Variants in CGNL1 observed in about 807,000 individuals in gnomAD.
CGNL1 encodes cingulin-like protein 1.
In CGNL1, 132 loss-of-function variants were observed where a neutral mutation model predicts 141.2. The observed-to-expected ratio is 0.93, with a 90% CI of 0.81 to 1.08. CGNL1 has a LOEUF of 1.08. Among genes scored for constraint, CGNL1 ranks in the 50% least tolerant of loss-of-function variants. The probability of loss-of-function intolerance (pLI) is 0.00; values close to 1 mark genes in which losing one functional copy is unlikely to be tolerated. For missense variants in CGNL1, 1,870 were observed against 1,588.6 expected, an observed-to-expected ratio of 1.18 and a Z score of -3.01; for synonymous variants, 690 against 622.1, an observed-to-expected ratio of 1.11 and a Z score of -1.63.
intron 1 of CGNL1, chr15:57,402,118 C>T (rs1406304091): frequency 2.0e-5 from 3 of 152,174 alleles, no homozygotes; most frequent in African/African-American, 7.2e-5. Context: ...TGTAATCCCC[C>T]ATGTTAGAGG....
chr15:57,445,272 C>G (rs111503982), intron 4 of CGNL1, among the ~76,000 whole-genome samples: 3 of 152,088 alleles, frequency 2.0e-5, no homozygotes, highest in African/African-American at 4.8e-5. Context: ...AAAACAACAA[C>G]AAAAGAAGCT....
chr15:57,438,412 A>G lies in CGNL1; in HGVS notation c.413A>G (p.Lys138Arg). The G allele has an allele frequency of 6.2e-7, 1 of 1,614,218 alleles. No homozygotes were observed. The highest frequency in any genetic ancestry group is 8.5e-7 in the Non-Finnish European group (1 of 1,180,034). ...CTAGATCGCAAAGACGGGTCTGTGA[A>G]GCCATCTCACCTGCTGAACTTTCAG... is the stretch of plus-strand genomic sequence containing the variant. ...GVLDRKDGSV[K>R]PSHLLNFQRH... Residue 138 changes from lysine (K) to arginine (R), a missense_variant, in exon 2 of 19, where the codon AAG (lysine) becomes AGG (arginine). Coordinates refer to ENST00000281282, the MANE Select transcript of CGNL1 (RefSeq NM_032866.5).
chr15:57,409,949 G>A (rs185834726), intron 1 of CGNL1, among the ~76,000 whole-genome samples: 36 of 152,276 alleles, frequency 2.4e-4, no homozygotes, highest in South Asian at 1.0e-3. Context: ...TGAGGATCTC[G>A]CCCTTTCTGA....
rs145994029 is a variant in CGNL1 at position 57,520,217 on chromosome 15, A to G, written c.2715+1720A>G. On this transcript the variant is annotated intron_variant, in intron 10 of 18. Transcript: ENST00000281282. Reference sequence around the variant, plus strand: ...ATTATCTGGTCTTAAAAATAATGCCATGAAAAAAGCACCATCGCTCTGAAA... The same window carrying G: ...ATTATCTGGTCTTAAAAATAATGCCGTGAAAAAAGCACCATCGCTCTGAAA... Among the ~76,000 whole-genome samples the G allele has an allele frequency of 3.1e-4, 47 of 152,356 alleles. No individual in the cohort carries two copies. The East Asian group carries it at 8.9e-3, about 29-fold the overall frequency.
At position 57,380,853 on chromosome 15, in the gene CGNL1, C is replaced by T. The variant is rs534873678; in HGVS notation, c.-16+4286C>T. ...AAGTAAGCTTAGTAGCGGCTACCTCCGCAACAGAGCTGAAAGGAGAATGCA... is the reference window on the plus strand; with the variant it reads ...AAGTAAGCTTAGTAGCGGCTACCTCTGCAACAGAGCTGAAAGGAGAATGCA... On this transcript the variant is annotated intron_variant, in intron 1 of 18. Coordinates refer to ENST00000281282, the MANE Select transcript of CGNL1 (RefSeq NM_032866.5). Among the ~76,000 whole-genome samples the T allele has an allele frequency of 1.4e-3, 211 of 152,284 alleles. 1 individual carries two copies. Among genetic ancestry groups the T allele is most frequent in the African/African-American group, 4.9e-3 (202 of 41,542 alleles).
intron 8 of CGNL1, among the ~76,000 whole-genome samples, chr15:57,506,508 T>C (rs1289966034): frequency 6.6e-6 from 1 of 152,206 alleles, no homozygotes; most frequent in Non-Finnish European, 1.5e-5. Context: ...GGCCTAAGGC[T>C]GTGTTTCATA....
chr15:57,441,377 T>A (rs1452853636), intron 3 of CGNL1, among the ~76,000 whole-genome samples: 2 of 152,134 alleles, frequency 1.3e-5, no homozygotes, highest in African/African-American at 4.8e-5. Flanking sequence ...TTATTTTTTT[T>A]TTATTTTTTG....
At chr15:57,531,343 G>A (rs1470493011) in intron 13 of CGNL1, among the ~76,000 whole-genome samples, 1 of 152,190 alleles carries the variant, frequency 6.6e-6, no homozygotes, top group Non-Finnish European at 1.5e-5. Flanking sequence ...ACTGGCTTGG[G>A]TAGATCTGTT....
rs2063348314 is a variant in CGNL1, at chr15:57,453,798, G to C, written c.2170G>C (p.Glu724Gln). Residue 724 changes from glutamate to glutamine, a missense_variant, in exon 7 of 19, where the codon GAG becomes CAG. Glu to Gln is a conservative substitution (Grantham distance 29, BLOSUM62 2). Coordinates refer to ENST00000281282, the MANE Select transcript of CGNL1 (RefSeq NM_032866.5). ...LDSAKRSEDR[E>Q]KGALIEELLQ... ...CAGTGCAAAGCGATCGGAGGACAGG[G>C]AGAAGGGAGCTCTGATTGAGGTAAG... 1 of 1,613,580 alleles carries C rather than the reference G, an allele frequency of 6.2e-7. No individual in the cohort carries two copies. The highest frequency in any genetic ancestry group is 1.3e-5 in the African/African-American group (1 of 74,884).
At chr15:57,414,133 G>C (rs1224733937) in intron 1 of CGNL1, among the ~76,000 whole-genome samples, 1 of 152,156 alleles carries the variant, frequency 6.6e-6, no homozygotes, top group East Asian at 1.9e-4. Flanking sequence ...CTCAAGCAGA[G>C]GGGGCTGCCT....
chr15:57,498,946 G>A (rs1406697725), intron 8 of CGNL1, among the ~76,000 whole-genome samples: 1 of 152,160 alleles, frequency 6.6e-6, no homozygotes, highest in Non-Finnish European at 1.5e-5. Flanking sequence ...CTGAATTAAG[G>A]AGATTTGTTT....
rs750428591 is a variant in CGNL1 at position 57,413,221 on chromosome 15, T to TCCTCTCTTCCTCCCTC, written c.-15-24760_-15-24759insTCTTCCTCCCTCCCTC. On this transcript the variant is annotated intron_variant, in intron 1 of 18. Transcript: ENST00000281282. ...TTTCTCTCTTTCTCTCTTCCTCTCTTCCTCCCTCCCTCCCTCCCTCCCTTC... is the reference window on the plus strand; with the variant it reads ...TTTCTCTCTTTCTCTCTTCCTCTCTTCCTCTCTTCCTCCCTCCCTCCCTCCCTCCCTCCCTCCCTTC... 6.6e-5 allele frequency among the ~76,000 whole-genome samples: 9 copies of TCCTCTCTTCCTCCCTC among 137,126 alleles called. No homozygotes were observed. The South Asian group carries it at 7.8e-4, about 12-fold the overall frequency. The allele number at this position is 137,126 out of a possible 152,430, so 90.0% of individuals were successfully genotyped here. A position where few individuals can be genotyped will look rare whatever the true frequency, so the allele number is the denominator to read the frequency against.
chr15:57,515,268 C>T (rs528680887), intron 8 of CGNL1, among the ~76,000 whole-genome samples: 1 of 152,358 alleles, frequency 6.6e-6, no homozygotes, highest in South Asian at 2.1e-4. Flanking sequence ...AACTCAGTTG[C>T]TTGGCTCCGA....
rs975837125 is a variant in CGNL1 at position 57,402,847 on chromosome 15, C to G, written c.-16+26280C>G. ...GGACCTTTTGTTTTTTGCCATCTCA[C>G]CCCCCAGGAAGGTATTTCCCAGCCC... On this transcript the variant is annotated intron_variant, in intron 1 of 18. Transcript: ENST00000281282. 2.0e-5 allele frequency: 3 copies of G among 152,278 alleles called. No homozygotes were observed. The East Asian group carries it at 5.8e-4, about 29-fold the overall frequency. The allele number at this position is 152,278 out of a possible 1,614,324, so 9.4% of individuals were successfully genotyped here.
At chr15:57,429,487 C>T (rs1010444133) in intron 1 of CGNL1, among the ~76,000 whole-genome samples, 2 of 152,136 alleles carry the variant, frequency 1.3e-5, no homozygotes, top group Admixed American at 6.5e-5. Flanking sequence ...ACTTAGGCTT[C>T]GTAGAGGAAA....
intron 4 of CGNL1, among the ~76,000 whole-genome samples, chr15:57,444,636 C>T (rs1227344561): frequency 6.6e-6 from 1 of 152,062 alleles, no homozygotes; most frequent in Non-Finnish European, 1.5e-5. Context: ...AATGGTGCCC[C>T]AAGAGATCAT....
rs2062509503 is a variant in CGNL1, at chr15:57,388,621, C to T, written c.-16+12054C>T. 2.0e-5 allele frequency among the ~76,000 whole-genome samples: 3 copies of T among 152,234 alleles called. No individual in the cohort carries two copies. The South Asian group carries it at 6.2e-4, about 31-fold the overall frequency. On this transcript the variant is annotated intron_variant, in intron 1 of 18. Transcript: ENST00000281282. Reference sequence around the variant, plus strand: ...TCTGGTTAGAATCATAGAAATGCTTCTTGTTATCAGAGCTAATTTGCCTGC... The same window carrying T: ...TCTGGTTAGAATCATAGAAATGCTTTTTGTTATCAGAGCTAATTTGCCTGC...
At chr15:57,497,503 T>A (rs1362770589) in intron 8 of CGNL1, among the ~76,000 whole-genome samples, 1 of 152,210 alleles carries the variant, frequency 6.6e-6, no homozygotes, top group Non-Finnish European at 1.5e-5. Context: ...TCAACTTTGA[T>A]CCTGCAAAGT....
chr15:57,495,709 T>C (rs2063928292), intron 8 of CGNL1, among the ~76,000 whole-genome samples: 1 of 152,208 alleles, frequency 6.6e-6, no homozygotes, highest in South Asian at 2.1e-4. Flanking sequence ...GTAAGGGTGT[T>C]AAATGAATCC....
Sources: gnomAD v4.1 joint callset for allele counts (sites outside exome capture counted in the v4.1 genomes callset) on GRCh38, gnomAD v4.1.1 for gene constraint, MANE v1.5 for transcripts, NCBI Gene and HGNC (gene_info 2026-07-23, HGNC 2026-07-21) for gene names.